The following NRG3 variants were observed in gnomAD, a reference collection of about 807,000 sequenced individuals.
NRG3 encodes neuregulin 3, also known as pro-neuregulin-3, membrane-bound isoform.
Under a neutral mutation model 66.9 loss-of-function variants are expected in NRG3, and 31 were observed. The observed-to-expected ratio is 0.46, with a 90% CI of 0.35 to 0.63. The LOEUF (loss-of-function observed/expected upper bound fraction) is 0.63. NRG3 is among the 20% of genes least tolerant of loss of function. The probability of loss-of-function intolerance (pLI) is 0.00; values close to 1 mark genes in which losing one functional copy is unlikely to be tolerated. For missense variants in NRG3, 910 were observed against 878.9 expected (o/e 1.04, Z -0.45); for synonymous variants, 393 against 359.4 (o/e 1.09, Z -1.06).
At position 82,945,044 on chromosome 10, in the gene NRG3, C is replaced by T. The variant is rs567476004; in HGVS notation, c.1055-6425C>T. ...GTCCCCATGGACTAATTTCAGCTGA[C>T]CCTGGAAGCTTCTGCAGCATTTTGG... On this transcript the variant is annotated intron_variant, in intron 4 of 8. Coordinates refer to ENST00000372141, the MANE Select transcript of NRG3 (RefSeq NM_001010848.4). 1.1e-4 allele frequency among the ~76,000 whole-genome samples: 17 copies of T among 152,240 alleles called. No individual in the cohort carries two copies. In the South Asian group the frequency reaches 3.5e-3, roughly 32 times the overall value.
chr10:82,153,222 C>T (rs747555276), intron 1 of NRG3, among the ~76,000 whole-genome samples: 3 of 152,054 alleles, frequency 2.0e-5, no homozygotes, highest in Non-Finnish European at 4.4e-5. Context: ...TCCCTATCAA[C>T]CTCTGATAAA....
At chr10:82,116,483 T>C (rs1291867865) in intron 1 of NRG3, among the ~76,000 whole-genome samples, 1 of 152,136 alleles carries the variant, frequency 6.6e-6, no homozygotes, top group South Asian at 2.1e-4. Context: ...CTTAAATGTT[T>C]TTACTTAGGG....
intron 3 of NRG3, among the ~76,000 whole-genome samples, chr10:82,831,993 T>C (rs2062553268): frequency 6.6e-6 from 1 of 152,124 alleles, no homozygotes; most frequent in Non-Finnish European, 1.5e-5. Context: ...GTATACAAGC[T>C]GTTTTGCTTT....
intron 1 of NRG3, among the ~76,000 whole-genome samples, chr10:82,158,252 T>C (rs1048271657): frequency 1.3e-5 from 2 of 151,820 alleles, no homozygotes; most frequent in Admixed American, 1.3e-4. Context: ...AATTAACATG[T>C]CATTTATTCA....
At chr10:82,598,018 T>A in intron 2 of NRG3, among the ~76,000 whole-genome samples, 1 of 152,178 alleles carries the variant, frequency 6.6e-6, no homozygotes, top group East Asian at 1.9e-4. Flanking sequence ...TGATTTGTGA[T>A]CTTTCTAGGC....
At chr10:81,935,326 T>G (rs750416994) in intron 1 of NRG3, among the ~76,000 whole-genome samples, 1 of 152,226 alleles carries the variant, frequency 6.6e-6, no homozygotes, top group Non-Finnish European at 1.5e-5. Context: ...AATGGAGTTC[T>G]GTCATTATAT....
chr10:82,630,274 C>T (rs936279349), intron 2 of NRG3, among the ~76,000 whole-genome samples: 1 of 150,498 alleles, frequency 6.6e-6, no homozygotes, highest in East Asian at 2.0e-4. Flanking sequence ...TAGAGAAGAA[C>T]AGCAATATGA....
Position 82,188,765 on chromosome 10 carries a change from G to A in NRG3, c.824-169974G>A, listed in dbSNP as rs1275058250. On this transcript the variant is annotated intron_variant, in intron 1 of 8. Transcript: ENST00000372141. ...AAACTACAATGAGATAGAAGGTGGT[G>A]TACCAGAGGCTGGGAAGGGTAGCGG... Among the ~76,000 whole-genome samples the A allele has an allele frequency of 2.0e-5, 3 of 152,056 alleles. No homozygotes were observed. In the East Asian group the frequency reaches 5.8e-4, roughly 29 times the overall value.
At chr10:82,404,251 G>T (rs1056667322) in intron 2 of NRG3, among the ~76,000 whole-genome samples, 1 of 152,084 alleles carries the variant, frequency 6.6e-6, no homozygotes, top group East Asian at 1.9e-4. Flanking sequence ...CACCCCTTCG[G>T]GATGGTTTTT....
intron 1 of NRG3, among the ~76,000 whole-genome samples, chr10:82,294,775 ATT>A (rs1340556027): frequency 6.6e-6 from 1 of 152,096 alleles, no homozygotes; most frequent in East Asian, 1.9e-4. Flanking sequence ...GAATATCTGA[ATT>A]CATCATGCAT....
intron 2 of NRG3, among the ~76,000 whole-genome samples, chr10:82,559,380 A>G (rs1237908414): frequency 2.0e-5 from 3 of 152,200 alleles, no homozygotes; most frequent in African/African-American, 7.2e-5. Context: ...GTCTGAGACT[A>G]CCGTCTAGTT....
intron 1 of NRG3, among the ~76,000 whole-genome samples, chr10:82,243,151 C>T (rs542685089): frequency 1.3e-5 from 2 of 152,264 alleles, no homozygotes; most frequent in South Asian, 2.1e-4. Flanking sequence ...AAAAGAGACC[C>T]ACTCCAAAGT....
chr10:82,445,201 A>G (rs2090650764), intron 2 of NRG3, among the ~76,000 whole-genome samples: 1 of 151,552 alleles, frequency 6.6e-6, no homozygotes, highest in Non-Finnish European at 1.5e-5. Context: ...CCATTATTTG[A>G]GCTGCCTTGG....
chr10:82,827,552 C>G (rs1470461442), intron 3 of NRG3, among the ~76,000 whole-genome samples: 2 of 152,156 alleles, frequency 1.3e-5, no homozygotes, highest in Non-Finnish European at 2.9e-5. Flanking sequence ...AACCCTTGTT[C>G]TGAAGCAAAG....
At chr10:82,819,322 A>G (rs1445358658) in intron 3 of NRG3, among the ~76,000 whole-genome samples, 2 of 152,224 alleles carry the variant, frequency 1.3e-5, no homozygotes, top group East Asian at 1.9e-4. Context: ...ATAAACATAC[A>G]TAAGCTGTCA....
In NRG3 at chr10:81,894,060, G is replaced by T. The variant is rs1843279335; in HGVS notation, c.823+17897G>T. Reference sequence around the variant, plus strand: ...ACTATGCATGGAAATTTATTTTCTGGCTGGGTGTCGTGGCTCAGGCCTGTA... The same window carrying T: ...ACTATGCATGGAAATTTATTTTCTGTCTGGGTGTCGTGGCTCAGGCCTGTA... On this transcript the variant is annotated intron_variant, in intron 1 of 8. Transcript: ENST00000372141. Among the ~76,000 whole-genome samples, 3 of 152,172 alleles carry T rather than the reference G, an allele frequency of 2.0e-5. No homozygotes were observed. The South Asian group carries it at 6.2e-4, about 32-fold the overall frequency.
intron 2 of NRG3, among the ~76,000 whole-genome samples, chr10:82,556,867 C>T (rs1005958494): frequency 6.6e-6 from 1 of 152,132 alleles, no homozygotes; most frequent in Non-Finnish European, 1.5e-5. Flanking sequence ...CATCTAGCTC[C>T]TACTTTTAAG....
At chr10:82,274,518 G>T (rs772162028) in intron 1 of NRG3, among the ~76,000 whole-genome samples, 64 of 151,904 alleles carry the variant, frequency 4.2e-4, no homozygotes, top group Non-Finnish European at 1.8e-4. Context: ...ATTGTGTTTG[G>T]TTATTTTATG....
intron 3 of NRG3, among the ~76,000 whole-genome samples, chr10:82,782,055 A>G (rs1381435801): frequency 6.6e-6 from 1 of 152,144 alleles, no homozygotes; most frequent in African/African-American, 2.4e-5. Flanking sequence ...TCCACCTTGA[A>G]GACTATGGTC....
Sources: gnomAD v4.1 joint callset for allele counts (sites outside exome capture counted in the v4.1 genomes callset) on GRCh38, gnomAD v4.1.1 for gene constraint, MANE v1.5 for transcripts, NCBI Gene and HGNC (gene_info 2026-07-23, HGNC 2026-07-21) for gene names.